TMEM233: variants seen among roughly 807,000 people sequenced by gnomAD.
The protein encoded by TMEM233 is transmembrane protein 233, also known as dispanin subfamily B member 2.
A neutral mutation model predicts 11.2 loss-of-function variants in TMEM233; 6 were observed. The observed-to-expected ratio is 0.54, with a 90% CI of 0.29 to 1.06. The LOEUF (loss-of-function observed/expected upper bound fraction) is 1.06. Among genes scored for constraint, TMEM233 ranks in the 50% least tolerant of loss-of-function variants. The pLI, the probability that TMEM233 is intolerant of heterozygous loss-of-function variation, is 0.08. For synonymous variants in TMEM233, 59 were observed against 55.8 expected (o/e 1.06, Z -0.26); for missense variants, 127 against 144.7 (o/e 0.88, Z 0.63).
rs1954024667 is a variant in TMEM233 at position 119,595,491 on chromosome 12, A to T, written c.186+1457A>T. Among the ~76,000 whole-genome samples, 1 of 152,210 alleles carries T rather than the reference A, an allele frequency of 6.6e-6. No homozygotes were observed. The highest frequency in any genetic ancestry group is 6.5e-5 in the Admixed American group (1 of 15,284). On this transcript the variant is annotated intron_variant, in intron 1 of 2. Coordinates refer to ENST00000426426, the MANE Select transcript of TMEM233 (RefSeq NM_001136534.3). The surrounding 1 kb of genome is among the most constrained non-coding windows in gnomAD (Gnocchi z 4.3). Reference sequence around the variant, plus strand: ...TGGACAGCGTCTGCACCGATATGAAAGCGTGCAGCCGCTGAAGTTCAGACA... The same window carrying T: ...TGGACAGCGTCTGCACCGATATGAATGCGTGCAGCCGCTGAAGTTCAGACA...
chr12:119,606,242 G>C (rs1954276638), intron 1 of TMEM233, among the ~76,000 whole-genome samples: 1 of 152,114 alleles, frequency 6.6e-6, no homozygotes, highest in Non-Finnish European at 1.5e-5. Context: ...AAAAGTATCA[G>C]ACTATGTTCA....
intron 1 of TMEM233, among the ~76,000 whole-genome samples, chr12:119,599,131 A>G (rs1348703824): frequency 6.6e-6 from 1 of 152,252 alleles, no homozygotes; most frequent in African/African-American, 2.4e-5. Flanking sequence ...ATAAGCAAAG[A>G]GGACTTTCGA....
At chr12:119,652,470 T>C in the TMEM233 span, among the ~76,000 whole-genome samples, 6 of 152,168 alleles carry the variant, frequency 3.9e-5, no homozygotes, top group African/African-American at 7.2e-5. Context: ...AGAATCCTCA[T>C]AAAATGGGAA....
intron 1 of TMEM233, among the ~76,000 whole-genome samples, chr12:119,615,221 C>A (rs1197611845): frequency 7.2e-6 from 1 of 138,740 alleles, no homozygotes; most frequent in Non-Finnish European, 1.6e-5. Flanking sequence ...CTCCTCCACC[C>A]CACTTTCTTT....
At chr12:119,616,244 T>A (rs1393157673) in intron 1 of TMEM233, among the ~76,000 whole-genome samples, 1 of 152,190 alleles carries the variant, frequency 6.6e-6, no homozygotes, top group Non-Finnish European at 1.5e-5. Flanking sequence ...TGCAGGAGAC[T>A]CCTGCATGCC....
downstream of TMEM233, among the ~76,000 whole-genome samples, chr12:119,645,254 T>G (rs1230599897): frequency 7.5e-6 from 1 of 133,980 alleles, no homozygotes; most frequent in East Asian, 2.3e-4. Flanking sequence ...ATGATGCACA[T>G]ATCTTGATAC....
At chr12:119,648,605 A>G in the TMEM233 span, among the ~76,000 whole-genome samples, 4 of 152,222 alleles carry the variant, frequency 2.6e-5, no homozygotes, top group Non-Finnish European at 4.4e-5. Flanking sequence ...TGCAGTTTGC[A>G]CAATTACCAT....
intron 1 of TMEM233, 21 bp from the exon 2 acceptor site, chr12:119,629,715 C>T: frequency 6.5e-7 from 1 of 1,544,272 alleles, no homozygotes; most frequent in East Asian, 2.4e-5. Flanking sequence ...TCATCACCAG[C>T]TCTTCCCTTC....
At chr12:119,629,674 G>C in intron 1 of TMEM233, 62 bp from the exon 2 acceptor site, 2 of 1,483,194 alleles carry the variant, frequency 1.3e-6, no homozygotes, top group Non-Finnish European at 1.8e-6. Flanking sequence ...ACAGCCTGAG[G>C]ACCTCCATCC....
At chr12:119,614,777 T>C (rs907082644) in intron 1 of TMEM233, among the ~76,000 whole-genome samples, 1 of 152,198 alleles carries the variant, frequency 6.6e-6, no homozygotes, top group Non-Finnish European at 1.5e-5. Flanking sequence ...TAAGATTACT[T>C]CTATCCCCAT....
rs6144897 is a variant in TMEM233, at chr12:119,605,409, CTTTTTTTTTTTTTTTTTTTTT to C, written c.186+11391_186+11411del. 5.7e-3 allele frequency among the ~76,000 whole-genome samples: 530 copies of C among 93,644 alleles called. 7 individuals are homozygous for C. The highest frequency in any genetic ancestry group is 0.03 in the South Asian group (69 of 2,288). The allele number at this position is 93,644 out of a possible 152,430, so 61.4% of individuals were successfully genotyped here. A position where few individuals can be genotyped will look rare whatever the true frequency, so the allele number is the denominator to read the frequency against. ...TTATAATCAGACAGCTATGCCTTTC[CTTTTTTTTTTTTTTTTTTTTT>C]TTTTTTTTTTTTTTTGAGACAGGGC... is the stretch of plus-strand genomic sequence containing the variant. On this transcript the variant is annotated intron_variant, in intron 1 of 2. Coordinates refer to ENST00000426426, the MANE Select transcript of TMEM233 (RefSeq NM_001136534.3).
At chr12:119,627,769 C>T (rs190418296) in intron 1 of TMEM233, among the ~76,000 whole-genome samples, 1 of 152,266 alleles carries the variant, frequency 6.6e-6, no homozygotes, top group Admixed American at 6.5e-5. Context: ...TGACTCCAGA[C>T]CAGATTGAAG....
rs1467313452 is a variant in TMEM233 at position 119,595,681 on chromosome 12, A to AGATAT, written c.186+1648_186+1649insATATG. Among the ~76,000 whole-genome samples the AGATAT allele has an allele frequency of 6.6e-6, 1 of 152,238 alleles. No homozygotes were observed. Among genetic ancestry groups the AGATAT allele is most frequent in the African/African-American group, 2.4e-5 (1 of 41,458 alleles). ...TAAATAATTGTAAAGTGCTTAGAACAGTGACCAGCACGGTATCTTTACAAA... is the reference window on the plus strand; with the variant it reads ...TAAATAATTGTAAAGTGCTTAGAACAGATATGTGACCAGCACGGTATCTTTACAAA... On this transcript the variant is annotated intron_variant, in intron 1 of 2. Coordinates refer to ENST00000426426, the MANE Select transcript of TMEM233 (RefSeq NM_001136534.3). This position sits in a 1 kb window ranked among gnomAD's most constrained non-coding sequence, Gnocchi z 4.3.
intron 1 of TMEM233, among the ~76,000 whole-genome samples, chr12:119,603,333 T>C (rs1200085672): frequency 6.6e-6 from 1 of 152,112 alleles, no homozygotes; most frequent in Non-Finnish European, 1.5e-5. Context: ...TAAGTCATTA[T>C]CCGCCCAGAT....
rs1023779867 is a variant in TMEM233, at chr12:119,594,401, C to A, written c.186+367C>A. The stretch of plus-strand genomic sequence containing the variant: ...GCCCGGGGCTTCTCAACCCTCTTTT[C>A]TAGAGCCCCAGTGCGCGCCACCCTA... On this transcript the variant is annotated intron_variant, in intron 1 of 2. Transcript: ENST00000426426. The surrounding 1 kb of genome is among the most constrained non-coding windows in gnomAD (Gnocchi z 5.6). 3 of 214,516 alleles carry A rather than the reference C, an allele frequency of 1.4e-5. No individual in the cohort carries two copies. The highest frequency in any genetic ancestry group is 2.8e-5 in the Non-Finnish European group (3 of 107,456). 13.3% of individuals were successfully genotyped at this position (214,516 alleles called of 1,614,324 possible).
At position 119,642,727 on chromosome 12, in the gene TMEM233, C is replaced by T. The variant is rs11064864; in HGVS notation, c.*2022C>T. On this transcript the variant is annotated 3_prime_UTR_variant, in exon 3 of 3. Coordinates refer to ENST00000426426, the MANE Select transcript of TMEM233 (RefSeq NM_001136534.3). ...TAATTGTTGTAATAGTTGTGACTAA[C>T]CATTGGCGGGGAGAATTCTAAGTAC... 0.73 allele frequency: 110,233 copies of T among 151,798 alleles called. 40,732 individuals carry two copies. The highest frequency in any genetic ancestry group is 0.83 in the Middle Eastern group (245 of 294). The allele number at this position is 151,798 out of a possible 1,614,324, so 9.4% of individuals were successfully genotyped here. A position where few individuals can be genotyped will look rare whatever the true frequency, so the allele number is the denominator to read the frequency against.
At chr12:119,618,138 C>A (rs1440669110) in intron 1 of TMEM233, among the ~76,000 whole-genome samples, 2 of 152,196 alleles carry the variant, frequency 1.3e-5, no homozygotes, top group Non-Finnish European at 2.9e-5. Flanking sequence ...TCAGAGGGTG[C>A]AAGTCCCAAG....
At chr12:119,623,255 T>C (rs945852755) in intron 1 of TMEM233, among the ~76,000 whole-genome samples, 42 of 152,314 alleles carry the variant, frequency 2.8e-4, no homozygotes, top group African/African-American at 9.9e-4. Context: ...GAGAGGGGAC[T>C]TCATTATTTT....
At position 119,594,009 on chromosome 12, in the gene TMEM233, T is replaced by C; in HGVS notation, c.161T>C (p.Ile54Thr). 6.4e-7 allele frequency: 1 copy of C among 1,551,638 alleles called. No individual in the cohort carries two copies. The highest frequency in any genetic ancestry group is 8.7e-7 in the Non-Finnish European group (1 of 1,146,958). ...TTTTGCCCTGCGTACCCCATCAACATCGTGGCTTTGGTCTTTTCCATCATG... is the reference window on the plus strand; with the variant it reads ...TTTTGCCCTGCGTACCCCATCAACACCGTGGCTTTGGTCTTTTCCATCATG... ...SCFCPAYPIN[I>T]VALVFSIMSL... The change falls in exon 1 of 3, where the codon ATC (isoleucine) becomes ACC (threonine). Residue 54 changes from isoleucine to threonine, a missense_variant. Physicochemically the swap from Ile to Thr is moderately conservative, Grantham distance 89 (BLOSUM62 -1). Transcript: ENST00000426426. This position sits in a 1 kb window ranked among gnomAD's most constrained non-coding sequence, Gnocchi z 5.6.
Sources: gnomAD v4.1 joint callset for allele counts (sites outside exome capture counted in the v4.1 genomes callset) on GRCh38, gnomAD v4.1.1 for gene constraint, Gnocchi (gnomAD v3.1) non-coding constraint, MANE v1.5 for transcripts, NCBI Gene and HGNC (gene_info 2026-07-23, HGNC 2026-07-21) for gene names.